Variants in EML6 observed in about 807,000 individuals in gnomAD.
EML6 encodes the protein echinoderm microtubule-associated protein-like 6.
EML6 carries 154 observed loss-of-function variants against 240.1 expected under a neutral mutation model. That is an observed-to-expected ratio of 0.64 (90% CI 0.56 to 0.73). The LOEUF is 0.73. Ranked by LOEUF, EML6 falls within the 30% of genes least tolerant of loss-of-function variation. The pLI is 0.00. For missense variants in EML6, 2,964 were observed against 2,474.6 expected (o/e 1.20, Z -4.20); for synonymous variants, 1,148 against 899.0 (o/e 1.28, Z -4.95).
chr2:54,951,225 CAAT>C (rs1239898518), intron 30 of EML6, among the ~76,000 whole-genome samples: 3 of 152,062 alleles, frequency 2.0e-5, no homozygotes, highest in Non-Finnish European at 2.9e-5. Flanking sequence ...AGAATGAAAA[CAAT>C]TAAACAATAA....
At chr2:54,900,022 G>C (rs1672973233) in intron 22 of EML6, among the ~76,000 whole-genome samples, 1 of 152,166 alleles carries the variant, frequency 6.6e-6, no homozygotes, top group Middle Eastern at 3.2e-3. Context: ...ACAGATATTT[G>C]CCACCTGGGG....
At chr2:54,790,230 C>T (rs770196922) in intron 2 of EML6, among the ~76,000 whole-genome samples, 20 of 152,264 alleles carry the variant, frequency 1.3e-4, no homozygotes, top group Admixed American at 2.6e-4. Context: ...AGATAACTTG[C>T]TGTGTGTATG....
intron 12 of EML6, 45 bp from the exon 13 acceptor site, chr2:54,863,738 A>G (rs1469213377): frequency 1.1e-6 from 1 of 943,198 alleles, no homozygotes; most frequent in Non-Finnish European, 1.7e-6. Context: ...AGTTGCTCAG[A>G]GTCTCAGAAT....
chr2:54,753,228 C>T (rs942685402), intron 2 of EML6, among the ~76,000 whole-genome samples: 18 of 152,104 alleles, frequency 1.2e-4, no homozygotes, highest in African/African-American at 4.1e-4. Context: ...TGGAGTACCA[C>T]ATTGTGTTTT....
intron 25 of EML6, among the ~76,000 whole-genome samples, chr2:54,913,492 T>C (rs1673751238): frequency 6.6e-6 from 1 of 152,122 alleles, no homozygotes; most frequent in African/African-American, 2.4e-5. Flanking sequence ...TTGCCCTCTT[T>C]TTAATGGGGT....
chr2:54,850,520 T>C (rs759333630), intron 10 of EML6, among the ~76,000 whole-genome samples: 14 of 151,698 alleles, frequency 9.2e-5, no homozygotes, highest in Non-Finnish European at 1.8e-4. Flanking sequence ...GCCATTGTTA[T>C]AATGGACAAA....
At position 54,892,130 on chromosome 2, in the gene EML6, G is replaced by A. The variant is rs143936582; in HGVS notation, c.2540-324G>A. 3.5e-4 allele frequency among the ~76,000 whole-genome samples: 53 copies of A among 152,230 alleles called. 1 individual carries two copies. The highest frequency in any genetic ancestry group is 1.2e-3 in the Admixed American group (19 of 15,282). On this transcript the variant is annotated intron_variant, in intron 18 of 41. Coordinates refer to ENST00000356458, the MANE Select transcript of EML6 (RefSeq NM_001039753.4). ...AACTTGTGCTGAGCCTCAGTTAGAC[G>A]CATGTCTTGGACTGAGATGCATATT...
chr2:54,895,979 A>G (rs1672741297), intron 21 of EML6, among the ~76,000 whole-genome samples: 1 of 152,210 alleles, frequency 6.6e-6, no homozygotes, highest in Non-Finnish European at 1.5e-5. Flanking sequence ...CCTTTGCCAT[A>G]TGCTGTTGGT....
intron 2 of EML6, among the ~76,000 whole-genome samples, chr2:54,795,587 AG>A (rs1336268588): frequency 5.9e-5 from 9 of 152,214 alleles, no homozygotes; most frequent in African/African-American, 2.4e-5. Flanking sequence ...TGCCACTGCC[AG>A]CAAGGAGCAT....
chr2:54,928,868 C>T (rs773363702), intron 28 of EML6, 117 bp downstream of exon 28: 12 of 1,224,928 alleles, frequency 9.8e-6, no homozygotes, highest in Non-Finnish European at 1.4e-5. Context: ...TTTTATAAAT[C>T]TTCACAGAGT....
intron 2 of EML6, among the ~76,000 whole-genome samples, chr2:54,741,185 C>A (rs1211734253): frequency 6.6e-6 from 1 of 152,118 alleles, no homozygotes; most frequent in Non-Finnish European, 1.5e-5. Context: ...ATCTTGGCCT[C>A]TCTATCTTAC....
chr2:54,953,014 G>T (rs1372554594), intron 31 of EML6, among the ~76,000 whole-genome samples: 1 of 152,134 alleles, frequency 6.6e-6, no homozygotes, highest in Non-Finnish European at 1.5e-5. Context: ...ATTGTGCTTG[G>T]CCAGGGTAGG....
chr2:54,915,300 T>G (rs1673853618), intron 25 of EML6, among the ~76,000 whole-genome samples: 1 of 152,184 alleles, frequency 6.6e-6, no homozygotes, highest in Non-Finnish European at 1.5e-5. Context: ...TTTCCTTTCC[T>G]GCTGGGATGA....
rs1443503415 is a variant in EML6, at chr2:54,903,155, A to G, written c.3236A>G (p.His1079Arg). 2 of 1,552,028 alleles carry G rather than the reference A, an allele frequency of 1.3e-6. No individual in the cohort carries two copies. The highest frequency in any genetic ancestry group is 1.7e-6 in the Non-Finnish European group (2 of 1,147,014). The part of the protein sequence containing the change: ...ADTVEDMVSF[H>R]HRKEMISDIK... ...ACTGTTGAAGACATGGTCTCTTTCC[A>G]TCACAGAAAAGAAATGATCTCTGAT... The change falls in exon 23 of 42, where the codon CAT becomes CGT. Residue 1079 changes from histidine to arginine, a missense_variant. Physicochemically the swap from His to Arg is conservative, Grantham distance 29. Transcript: ENST00000356458.
chr2:54,797,190 CTG>C (rs1444565697), intron 2 of EML6, among the ~76,000 whole-genome samples: 2 of 67,754 alleles, frequency 3.0e-5, no homozygotes, highest in African/African-American at 5.4e-5. Flanking sequence ...AAAAAAAAAA[CTG>C]TGATCTTGTA....
chr2:54,765,428 T>G (rs1299047183), intron 2 of EML6, among the ~76,000 whole-genome samples: 1 of 152,212 alleles, frequency 6.6e-6, no homozygotes, highest in African/African-American at 2.4e-5. Flanking sequence ...CCCTACAAAC[T>G]TAAGGGCAAA....
In EML6 at chr2:54,866,830, T is replaced by A; in HGVS notation, c.1997T>A (p.Phe666Tyr). The change falls in exon 14 of 42, where the codon TTC becomes TAC. Residue 666 changes from phenylalanine (F) to tyrosine (Y), a missense_variant. Coordinates refer to ENST00000356458, the MANE Select transcript of EML6 (RefSeq NM_001039753.4). The stretch of plus-strand genomic sequence containing the variant: ...AAAGAGAAAAACCACGCAGTGCCCT[T>A]CCTCAAACGAGAAAAGGCTCCTGAG... ...QSKEKNHAVPFLKREKAPEDS... is the reference protein window; with the variant it reads ...QSKEKNHAVPYLKREKAPEDS... 3 of 1,551,224 alleles carry A rather than the reference T, an allele frequency of 1.9e-6. No homozygotes were observed. Among genetic ancestry groups the A allele is most frequent in the Non-Finnish European group, 2.6e-6 (3 of 1,146,636 alleles).
chr2:54,845,796 T>C (rs76029178), intron 8 of EML6, among the ~76,000 whole-genome samples: 12,782 of 152,212 alleles, frequency 0.084, 834 homozygotes, highest in East Asian at 0.3. Flanking sequence ...GGAAGGGATG[T>C]GCCCCATCCC....
At chr2:54,935,281 C>T (rs945308171) in intron 28 of EML6, among the ~76,000 whole-genome samples, 1 of 152,172 alleles carries the variant, frequency 6.6e-6, no homozygotes, top group Non-Finnish European at 1.5e-5. Context: ...CGTCTGGGCT[C>T]TATGAGTACA....
Sources: allele counts gnomAD v4.1 joint callset (sites outside exome capture counted in the v4.1 genomes callset), GRCh38; gene constraint gnomAD v4.1.1; transcripts MANE v1.5; gene names NCBI Gene and HGNC (gene_info 2026-07-23, HGNC 2026-07-21).